BAIAP2: variants seen among roughly 807,000 people sequenced by gnomAD.
BAIAP2 encodes BAR/IMD domain containing adaptor protein 2.
In BAIAP2, 18 loss-of-function variants were observed where a neutral mutation model predicts 63.0. The ratio of observed to expected loss-of-function variants is 0.29; its 90% CI spans 0.20 to 0.42. BAIAP2 has a LOEUF of 0.42. BAIAP2 is among the 10% of genes least tolerant of loss of function. The pLI, the probability that BAIAP2 is intolerant of heterozygous loss-of-function variation, is 1.00. For synonymous variants in BAIAP2, 386 were observed against 307.6 expected, an observed-to-expected ratio of 1.25 and a Z score of -2.67; for missense variants, 610 against 734.3, an observed-to-expected ratio of 0.83 and a Z score of 1.96.
intron 1 of BAIAP2, among the ~76,000 whole-genome samples, chr17:81,052,558 T>C (rs8064345): frequency 0.9 from 136,753 of 152,260 alleles, 61,545 homozygotes; most frequent in Admixed American, 0.92. Flanking sequence ...GGGCCTCGTT[T>C]CCCAAGAACA....
chr17:81,042,125 TTTTTC>T (rs1230478927), intron 1 of BAIAP2, among the ~76,000 whole-genome samples: 36 of 143,450 alleles, frequency 2.5e-4, no homozygotes, highest in African/African-American at 2.1e-4. Flanking sequence ...GGCACTTTTT[TTTTTC>T]TTTTCTTTTT....
At chr17:81,100,839 G>GTCC (rs2058384651) in intron 7 of BAIAP2, among the ~76,000 whole-genome samples, 1 of 152,120 alleles carries the variant, frequency 6.6e-6, no homozygotes, top group Admixed American at 6.5e-5. Context: ...TGGTCACAGG[G>GTCC]TCCTCCCCTG....
At chr17:81,083,456 A>C (rs2054989109) in intron 3 of BAIAP2, 1 of 152,212 alleles carries the variant, frequency 6.6e-6, no homozygotes, top group South Asian at 2.1e-4. Flanking sequence ...TTTGTCCGTC[A>C]AAGGAGTACG....
intron 3 of BAIAP2, chr17:81,076,514 A>G (rs1010724276): frequency 6.6e-6 from 1 of 152,232 alleles, no homozygotes; most frequent in Admixed American, 6.5e-5. Context: ...CAGAACACAC[A>G]TCAGGAAGAC....
chr17:81,061,163 G>A (rs953373543), intron 3 of BAIAP2, among the ~76,000 whole-genome samples: 26 of 152,190 alleles, frequency 1.7e-4, no homozygotes, highest in Non-Finnish European at 2.5e-4. Context: ...TTCTTATTAC[G>A]GAAGATGTGG....
rs2058892053 is a variant in BAIAP2 at position 81,104,494 on chromosome 17, C to A, written c.1067-20C>A. On this transcript the variant is annotated intron_variant, in intron 9 of 13. Coordinates refer to ENST00000428708, the MANE Select transcript of BAIAP2 (RefSeq NM_001144888.2). Reference sequence around the variant, plus strand: ...CCGCCAGCCAGGGGCAGTCCCCTTACCTGTCCCTTGTCCCAGCAGCCGAGA... The same window carrying A: ...CCGCCAGCCAGGGGCAGTCCCCTTAACTGTCCCTTGTCCCAGCAGCCGAGA... 4.4e-6 allele frequency: 7 copies of A among 1,577,326 alleles called. No homozygotes were observed. The highest frequency in any genetic ancestry group is 6.0e-6 in the Non-Finnish European group (7 of 1,157,804).
At chr17:81,099,823 A>G (rs977483678) in intron 6 of BAIAP2, 105 bp from the exon 7 acceptor site, 27 of 1,327,330 alleles carry the variant, frequency 2.0e-5, no homozygotes, top group Non-Finnish European at 2.6e-5. Context: ...GCTGCTCTGC[A>G]TGAATGAGAC....
At chr17:81,055,640 C>G (rs573769189) in intron 2 of BAIAP2, among the ~76,000 whole-genome samples, 12 of 145,302 alleles carry the variant, frequency 8.3e-5, no homozygotes, top group Admixed American at 2.1e-4. Flanking sequence ...ATCTTGGCTC[C>G]CTGCAAACTC....
At chr17:81,099,142 A>ATCTTGCTGTCCCCATGGACGCTGG (rs1555678299) in intron 6 of BAIAP2, among the ~76,000 whole-genome samples, 4 of 150,396 alleles carry the variant, frequency 2.7e-5, no homozygotes, top group Non-Finnish European at 5.9e-5. Context: ...TGTGGATCTG[A>ATCTTGCTGTCCCCATGGACGCTGG]TCTTGCTGTC....
chr17:81,098,501 C>T (rs1407611677), intron 6 of BAIAP2, among the ~76,000 whole-genome samples: 2 of 152,078 alleles, frequency 1.3e-5, no homozygotes, highest in African/African-American at 2.4e-5. Flanking sequence ...CACAGTTCAG[C>T]GGCATTAGCG....
intron 1 of BAIAP2, among the ~76,000 whole-genome samples, chr17:81,042,998 G>A (rs2047300764): frequency 6.6e-6 from 1 of 152,146 alleles, no homozygotes; most frequent in Non-Finnish European, 1.5e-5. Context: ...ATTCCAAGAA[G>A]CTGGGATTAC....
Position 81,100,087 on chromosome 17 carries a change from CG to C in BAIAP2, c.642+9del. Reference sequence around the variant, plus strand: ...CGCGGCCTACCACTCCAAGGTGAGGCGGCTGGGGGCTGCGCTGTGCCGGCGC... The same window carrying C: ...CGCGGCCTACCACTCCAAGGTGAGGCGCTGGGGGCTGCGCTGTGCCGGCGC... On this transcript the variant is annotated splice_region_variant and intron_variant, in intron 7 of 13. Coordinates refer to ENST00000428708, the MANE Select transcript of BAIAP2 (RefSeq NM_001144888.2). 6.2e-7 allele frequency: 1 copy of C among 1,607,086 alleles called. No homozygotes were observed. The highest frequency in any genetic ancestry group is 8.5e-7 in the Non-Finnish European group (1 of 1,177,480).
At chr17:81,094,016 C>G (rs1290251333) in intron 6 of BAIAP2, among the ~76,000 whole-genome samples, 1 of 135,744 alleles carries the variant, frequency 7.4e-6, no homozygotes, top group Non-Finnish European at 1.5e-5. Context: ...CCAGGAAAAA[C>G]AGGAGTGTGA....
intron 6 of BAIAP2, 134 bp from the exon 7 acceptor site, chr17:81,099,794 A>C: frequency 9.7e-7 from 1 of 1,030,600 alleles, no homozygotes; most frequent in Non-Finnish European, 1.4e-6. Flanking sequence ...GAGTGGCCGC[A>C]GATGCTGTTT....
chr17:81,044,444 C>T (rs1050386544), intron 1 of BAIAP2, among the ~76,000 whole-genome samples: 1 of 152,258 alleles, frequency 6.6e-6, no homozygotes, highest in Non-Finnish European at 1.5e-5. Context: ...TTATCTGTGC[C>T]CTCTTTCTTG....
intron 1 of BAIAP2, among the ~76,000 whole-genome samples, chr17:81,042,272 A>G (rs1472317546): frequency 6.6e-6 from 1 of 151,528 alleles, no homozygotes; most frequent in Non-Finnish European, 1.5e-5. Flanking sequence ...CCACCTGAGT[A>G]GCTAGGACCA....
At chr17:81,106,412 T>C (rs1271944808) in intron 11 of BAIAP2, among the ~76,000 whole-genome samples, 1 of 152,114 alleles carries the variant, frequency 6.6e-6, no homozygotes, top group African/African-American at 2.4e-5. Context: ...GGGCCAGGTG[T>C]GCAAGGACCT....
At chr17:81,112,840 C>T (rs1242053160) in intron 13 of BAIAP2, among the ~76,000 whole-genome samples, 2 of 152,048 alleles carry the variant, frequency 1.3e-5, no homozygotes, top group Non-Finnish European at 2.9e-5. Flanking sequence ...CTCTTGAGCC[C>T]AGGGGTTCGA....
intron 3 of BAIAP2, among the ~76,000 whole-genome samples, chr17:81,061,972 TCA>T (rs1306233856): frequency 6.6e-6 from 1 of 152,204 alleles, no homozygotes; most frequent in Non-Finnish European, 1.5e-5. Flanking sequence ...AGACCGAATC[TCA>T]CTCTGTCACC....
Sources: gnomAD v4.1 joint callset for allele counts (sites outside exome capture counted in the v4.1 genomes callset) on GRCh38, gnomAD v4.1.1 for gene constraint, MANE v1.5 for transcripts, NCBI Gene and HGNC (gene_info 2026-07-23, HGNC 2026-07-21) for gene names.